The following PNKD variants were observed in gnomAD, a reference collection of about 807,000 sequenced individuals.
The protein encoded by PNKD is probable thioesterase PNKD.
In PNKD, 36 loss-of-function variants were observed where a neutral mutation model predicts 45.3. The observed-to-expected ratio is 0.80, with a 90% CI of 0.61 to 1.05. PNKD has a LOEUF of 1.05. PNKD is among the 50% of genes least tolerant of loss of function. The pLI is 0.00. For missense variants in PNKD, 511 were observed against 506.6 expected (o/e 1.01, Z -0.08); for synonymous variants, 197 against 210.1 (o/e 0.94, Z 0.54).
At chr2:218,318,938 C>CTTT (rs1188726715) in intron 2 of PNKD, among the ~76,000 whole-genome samples, 2 of 109,528 alleles carry the variant, frequency 1.8e-5, no homozygotes, top group Non-Finnish European at 3.9e-5. Context: ...CAAATCTTTT[C>CTTT]TTTTTTTTTT....
intron 9 of PNKD, 25 bp from the exon 10 acceptor site, chr2:218,344,783 C>A (rs761423434): frequency 6.2e-7 from 1 of 1,612,318 alleles, no homozygotes; most frequent in Non-Finnish European, 8.5e-7. Flanking sequence ...TTCTCTCCAC[C>A]AAACCTGGTT....
intron 2 of PNKD, among the ~76,000 whole-genome samples, chr2:218,321,239 A>G (rs912670532): frequency 3.3e-5 from 5 of 152,190 alleles, no homozygotes; most frequent in South Asian, 2.1e-4. Flanking sequence ...TGTGTGCACA[A>G]TGACTTTTGA....
intron 2 of PNKD, among the ~76,000 whole-genome samples, chr2:218,291,236 C>T (rs118037998): frequency 2.6e-5 from 4 of 152,154 alleles, no homozygotes; most frequent in Admixed American, 1.3e-4. Context: ...AAAGACAGGG[C>T]CCCTGACACT....
At chr2:218,337,435 TGGAAAG>T (rs1242066273) in intron 2 of PNKD, among the ~76,000 whole-genome samples, 1 of 152,192 alleles carries the variant, frequency 6.6e-6, no homozygotes, top group Non-Finnish European at 1.5e-5. Flanking sequence ...TAAGGAAGGA[TGGAAAG>T]GAAAAGGATG....
intron 2 of PNKD, chr2:218,323,174 A>G (rs1241968056): frequency 2.5e-5 from 34 of 1,371,086 alleles, no homozygotes; most frequent in Non-Finnish European, 2.9e-5. Flanking sequence ...CCCCACGTCC[A>G]GAGCCGGCAG....
intron 2 of PNKD, chr2:218,279,973 T>C (rs1691701947): frequency 7.1e-7 from 1 of 1,412,756 alleles, no homozygotes; most frequent in Non-Finnish European, 1.0e-6. Context: ...CCACTTCCCA[T>C]TCCCACAGCC....
At chr2:218,312,602 A>T (rs1249455416) in intron 2 of PNKD, among the ~76,000 whole-genome samples, 2 of 150,128 alleles carry the variant, frequency 1.3e-5, no homozygotes, top group South Asian at 2.1e-4. Context: ...GCCGGGAGGG[A>T]TGGCTCATGC....
At chr2:218,272,806 G>T (rs1341490639) in intron 2 of PNKD, 1 of 1,613,262 alleles carries the variant, frequency 6.2e-7, no homozygotes, top group South Asian at 1.1e-5. Flanking sequence ...TAAGTCCTCA[G>T]GTTTGGCCCA....
In PNKD at chr2:218,340,098, A is replaced by C; in HGVS notation, c.422A>C (p.Gln141Pro). 1.2e-6 allele frequency: 2 copies of C among 1,613,958 alleles called. No individual in the cohort carries two copies. Among genetic ancestry groups the C allele is most frequent in the Non-Finnish European group, 1.7e-6 (2 of 1,179,896 alleles). The change falls in exon 4 of 10, where the codon CAG becomes CCG. Residue 141 changes from glutamine (Q) to proline (P), a missense_variant. Gln to Pro is a moderately conservative substitution (Grantham distance 76, BLOSUM62 -1). Transcript: ENST00000273077. The surrounding 1 kb of genome is among the most constrained non-coding windows in gnomAD (Gnocchi z 4.2). ...TACCTCATCATCGACACCCAGGCCCAGCTGGCTGTGGCTGTGGACCCTTCA... is the reference window on the plus strand; with the variant it reads ...TACCTCATCATCGACACCCAGGCCCCGCTGGCTGTGGCTGTGGACCCTTCA... ...YSYLIIDTQA[Q>P]LAVAVDPSDP...
intron 2 of PNKD, chr2:218,275,593 A>G: frequency 6.2e-7 from 1 of 1,613,744 alleles, no homozygotes. Context: ...CCGGTTCCCC[A>G]GGACCAGCTG....
At chr2:218,306,693 G>A (rs1158141682) in intron 2 of PNKD, among the ~76,000 whole-genome samples, 2 of 152,156 alleles carry the variant, frequency 1.3e-5, no homozygotes, top group Non-Finnish European at 2.9e-5. Flanking sequence ...CTCCCCGACA[G>A]TTCACCCTCC....
At chr2:218,342,168 G>T (rs772773540) in intron 7 of PNKD, 24 bp downstream of exon 7, 1 of 1,605,196 alleles carries the variant, frequency 6.2e-7, no homozygotes, top group Non-Finnish European at 8.5e-7. Flanking sequence ...AAAGAGAGAG[G>T]AGCTGGGAGA....
chr2:218,288,388 C>T (rs1229622409), intron 2 of PNKD, among the ~76,000 whole-genome samples: 1 of 152,160 alleles, frequency 6.6e-6, no homozygotes, highest in Non-Finnish European at 1.5e-5. Flanking sequence ...AAAATGGCGC[C>T]ACTGCACTCC....
intron 2 of PNKD, chr2:218,286,367 T>C (rs1692508651): frequency 6.6e-6 from 1 of 151,920 alleles, no homozygotes; most frequent in African/African-American, 2.4e-5. Flanking sequence ...TCCAGCAACA[T>C]GGAGCAAGCC....
chr2:218,284,278 G>T (rs1191607048), intron 2 of PNKD: 1 of 152,282 alleles, frequency 6.6e-6, no homozygotes, highest in South Asian at 2.1e-4. Flanking sequence ...TGTGAAATAA[G>T]GTGGGGGCGA....
Position 218,279,335 on chromosome 2 carries a change from C to T in PNKD, c.236+7786C>T, listed in dbSNP as rs778184331. 46 of 1,586,264 alleles carry T rather than the reference C, an allele frequency of 2.9e-5. No individual in the cohort carries two copies. The highest frequency in any genetic ancestry group is 8.1e-5 in the South Asian group (7 of 86,902). ...ATGGCCACAGTGATGAGCAGCTGCACGGAGATGATGGAGTAAACCTGGACA... is the reference window on the plus strand; with the variant it reads ...ATGGCCACAGTGATGAGCAGCTGCATGGAGATGATGGAGTAAACCTGGACA... On this transcript the variant is annotated intron_variant, in intron 2 of 9. Transcript: ENST00000273077.
chr2:218,324,539 TG>T (rs1279261748), intron 2 of PNKD, among the ~76,000 whole-genome samples: 1 of 152,218 alleles, frequency 6.6e-6, no homozygotes, highest in African/African-American at 2.4e-5. Context: ...TTGTGCCTTT[TG>T]GGGCATTCAC....
At position 218,343,136 on chromosome 2, in the gene PNKD, G is replaced by A. The variant is rs559778804; in HGVS notation, c.782-364G>A. 1.4e-3 allele frequency among the ~76,000 whole-genome samples: 215 copies of A among 152,342 alleles called. 2 individuals carry two copies. Among genetic ancestry groups the A allele is most frequent in the Non-Finnish European group, 2.9e-4 (20 of 68,024 alleles). ...AGAACAGCTAGGTGAGTGGGTGGGT[G>A]AGGATCACAAGTCCCAGGCTGCATG... On this transcript the variant is annotated intron_variant, in intron 7 of 9. Transcript: ENST00000273077.
At chr2:218,295,647 G>A (rs1036577063) in intron 2 of PNKD, among the ~76,000 whole-genome samples, 3 of 151,960 alleles carry the variant, frequency 2.0e-5, no homozygotes, top group Admixed American at 6.6e-5. Context: ...AGAAGGGGTA[G>A]GAAATAGGGC....
Sources: allele counts gnomAD v4.1 joint callset (sites outside exome capture counted in the v4.1 genomes callset), GRCh38; gene constraint gnomAD v4.1.1; non-coding constraint Gnocchi (gnomAD v3.1); transcripts MANE v1.5; gene names NCBI Gene and HGNC (gene_info 2026-07-23, HGNC 2026-07-21).